The following ZNF83 variants were observed in gnomAD, a reference collection of about 807,000 sequenced individuals.
The protein encoded by ZNF83 is zinc finger protein 816B.
For synonymous variants in ZNF83, 209 were observed against 213.0 expected (o/e 0.98, Z 0.17); for missense variants, 552 against 629.9 (o/e 0.88, Z 1.32).
At chr19:52,639,702 G>A (rs1029952837), upstream of ZNF83, among the ~76,000 whole-genome samples, 1 of 151,830 alleles carries the variant, frequency 6.6e-6, no homozygotes, top group Non-Finnish European at 1.5e-5. Context: ...ATAGTCATAA[G>A]CCACACTTCC....
chr19:52,630,090 C>T (rs1259152252), intron 2 of ZNF83, among the ~76,000 whole-genome samples: 3 of 152,200 alleles, frequency 2.0e-5, no homozygotes, highest in African/African-American at 4.8e-5. Flanking sequence ...ATGCCCGCAG[C>T]CCAGGATTCC....
At chr19:52,618,206 C>T (rs1159909167) in intron 2 of ZNF83, among the ~76,000 whole-genome samples, 4 of 152,050 alleles carry the variant, frequency 2.6e-5, no homozygotes, top group African/African-American at 4.8e-5. Context: ...ATAATCTTAC[C>T]TTAGCCTTTC....
intron 2 of ZNF83, among the ~76,000 whole-genome samples, chr19:52,629,467 C>T (rs184771097): frequency 7.2e-5 from 11 of 152,196 alleles, no homozygotes; most frequent in African/African-American, 1.2e-4. Context: ...CTTGCCAGGC[C>T]GAGCTAGGTC....
intron 1 of ZNF83, among the ~76,000 whole-genome samples, chr19:52,637,686 A>AG (rs1682344813): frequency 6.6e-6 from 1 of 152,026 alleles, no homozygotes; most frequent in African/African-American, 2.4e-5. Context: ...GAGGGTTTGG[A>AG]TAAGACGCCT....
At chr19:52,680,668 A>G (rs527559372) in intron 1 of ZNF83, among the ~76,000 whole-genome samples, 59 of 122,600 alleles carry the variant, frequency 4.8e-4, no homozygotes, top group Non-Finnish European at 7.8e-4. Flanking sequence ...GCTGGAGTGC[A>G]GTGGCGCGAT....
chr19:52,654,063 A>T lies in ZNF83; in HGVS notation c.-74+1498T>A, dbSNP rs574041682. ...TGTTGATAGACTTCTCCACTTGATT[A>T]TCAATTTTCCCTTCAGTCTGAAATT... On this transcript the variant is annotated intron_variant, in intron 3 of 5. Coordinates refer to the ZNF83 transcript ENST00000594682. 1.2e-4 allele frequency: 199 copies of T among 1,594,040 alleles called. 2 individuals are homozygous for T. In the South Asian group the frequency reaches 2.0e-3, roughly 16 times the overall value.
At chr19:52,676,159 T>C (rs1669955484) in intron 1 of ZNF83, among the ~76,000 whole-genome samples, 1 of 152,188 alleles carries the variant, frequency 6.6e-6, no homozygotes, top group African/African-American at 2.4e-5. Context: ...TTTCGTATTT[T>C]TTTGGTGGAG....
At chr19:52,665,330 A>C (rs61682676) in intron 1 of ZNF83, among the ~76,000 whole-genome samples, 10,829 of 152,030 alleles carry the variant, frequency 0.071, 1,194 homozygotes, top group African/African-American at 0.24. Flanking sequence ...GTAGGAGGAT[A>C]GCTGAGCTGG....
intron 3 of ZNF83, chr19:52,652,525 T>C (rs1299397092): frequency 4.4e-6 from 2 of 454,992 alleles, no homozygotes; most frequent in Admixed American, 2.5e-5. Flanking sequence ...AGATGAAGCT[T>C]GACTGAAGAC....
chr19:52,659,301 G>A (rs1029144801), intron 2 of ZNF83, among the ~76,000 whole-genome samples: 3 of 152,106 alleles, frequency 2.0e-5, no homozygotes, highest in African/African-American at 4.8e-5. Flanking sequence ...GAAGGATTTC[G>A]TGGTCAAGCC....
At chr19:52,636,284 C>T (rs893450418) in intron 1 of ZNF83, 6 of 152,090 alleles carry the variant, frequency 3.9e-5, no homozygotes, top group African/African-American at 1.4e-4. Flanking sequence ...TGCATTCCAG[C>T]CTAGGCAATT....
At chr19:52,615,656 A>T (rs552371438) in intron 2 of ZNF83, among the ~76,000 whole-genome samples, 2 of 152,314 alleles carry the variant, frequency 1.3e-5, no homozygotes, top group East Asian at 3.9e-4. Context: ...CCACCCAGGA[A>T]GTGTTTTTAT....
Position 52,630,224 on chromosome 19 carries a change from T to A in ZNF83, c.-234+4842A>T, listed in dbSNP as rs569769032. Among the ~76,000 whole-genome samples, 3 of 152,296 alleles carry A rather than the reference T, an allele frequency of 2.0e-5. No individual in the cohort carries two copies. In the East Asian group the frequency reaches 5.8e-4, roughly 29 times the overall value. ...GCTCTCTGACTGACTCCTTCCCAGA[T>A]CTTCTTGGCTTAGTGGCTGAAGACT... On this transcript the variant is annotated intron_variant, in intron 2 of 2. Coordinates refer to ENST00000301096, the Ensembl canonical transcript of ZNF83.
intron 1 of ZNF83, among the ~76,000 whole-genome samples, chr19:52,683,269 TG>T (rs1218161730): frequency 1.4e-4 from 15 of 104,762 alleles, no homozygotes; most frequent in Non-Finnish European, 3.1e-4. Context: ...TGTGTGTGTG[TG>T]TGTGTGTGTG....
intron 1 of ZNF83, among the ~76,000 whole-genome samples, chr19:52,667,578 A>T (rs994235455): frequency 2.1e-4 from 32 of 152,182 alleles, no homozygotes; most frequent in Non-Finnish European, 3.7e-4. Context: ...TTGAAAGATT[A>T]AAAAAATTTG....
chr19:52,663,521 A>G (rs1250991441), intron 1 of ZNF83, among the ~76,000 whole-genome samples: 1 of 152,226 alleles, frequency 6.6e-6, no homozygotes, highest in Non-Finnish European at 1.5e-5. Flanking sequence ...ACAGCTCACC[A>G]TTTAATCAGA....
At chr19:52,618,864 C>G (rs866626187) in intron 2 of ZNF83, 5 of 1,524,686 alleles carry the variant, frequency 3.3e-6, no homozygotes, top group Non-Finnish European at 3.6e-6. Flanking sequence ...GATGCAACTC[C>G]CAAGAGAAAC....
upstream of ZNF83, among the ~76,000 whole-genome samples, chr19:52,639,143 A>G (rs922350975): frequency 6.6e-6 from 1 of 152,004 alleles, no homozygotes; most frequent in African/African-American, 2.4e-5. Context: ...GCTCTAGTTG[A>G]CCAGGCTGGA....
intron 1 of ZNF83, among the ~76,000 whole-genome samples, chr19:52,661,803 C>T (rs1412902244): frequency 6.6e-6 from 1 of 152,030 alleles, no homozygotes; most frequent in African/African-American, 2.4e-5. Context: ...GGTGGGGCTG[C>T]AATGTCAAAT....
Sources: allele counts gnomAD v4.1 joint callset (sites outside exome capture counted in the v4.1 genomes callset), GRCh38; gene constraint gnomAD v4.1.1; transcripts MANE v1.5; gene names NCBI Gene and HGNC (gene_info 2026-07-23, HGNC 2026-07-21).